Variants in TATDN3 observed in about 807,000 individuals in gnomAD.
TATDN3 encodes TatD DNase domain containing 3, also known as deoxyribonuclease TATDN3.
In TATDN3, 29 loss-of-function variants were observed where a neutral mutation model predicts 40.1. The ratio of observed to expected loss-of-function variants is 0.72; its 90% CI spans 0.54 to 0.99. The LOEUF is 0.99. Among genes scored for constraint, TATDN3 ranks in the 50% least tolerant of loss-of-function variants. The pLI is 0.00. For missense variants in TATDN3, 309 were observed against 321.9 expected (o/e 0.96, Z 0.31); for synonymous variants, 105 against 117.0 (o/e 0.90, Z 0.66).
At chr1:212,807,316 G>A (rs190388003) in intron 7 of TATDN3, among the ~76,000 whole-genome samples, 7 of 152,044 alleles carry the variant, frequency 4.6e-5, no homozygotes, top group Non-Finnish European at 8.8e-5. Flanking sequence ...GCAGTGGTGC[G>A]ATCACAGCTC....
chr1:212,813,675 C>T (rs1663026729), intron 9 of TATDN3, among the ~76,000 whole-genome samples: 1 of 150,832 alleles, frequency 6.6e-6, no homozygotes, highest in Admixed American at 6.6e-5. Context: ...CTCCATCAGG[C>T]ATGTGCTACC....
rs1366612217 is a variant in TATDN3, at chr1:212,812,294, A to G, written c.647A>G (p.Glu216Gly). Residue 216 changes from glutamate (E) to glycine (G), a missense_variant, in exon 9 of 10, where the codon GAA becomes GGA. By Grantham distance (98) the Glu-to-Gly change is moderately conservative. Transcript: ENST00000366974. ...KQLPLTSICL[E>G]TDSPALGPEK... ...TTGCCTTTAACTTCTATATGCTTAG[A>G]AACAGATTCACCTGCACTAGGACCA... The G allele has an allele frequency of 6.3e-7, 1 of 1,583,084 alleles. No homozygotes were observed. Among genetic ancestry groups the G allele is most frequent in the Admixed American group, 2.0e-5 (1 of 51,202 alleles).
chr1:212,799,380 A>G (rs1662027782), intron 4 of TATDN3, among the ~76,000 whole-genome samples: 1 of 152,160 alleles, frequency 6.6e-6, no homozygotes, highest in Admixed American at 6.5e-5. Context: ...AAAAGGGGAA[A>G]AAGTTAGAAG....
chr1:212,806,372 T>C (rs984339655), intron 7 of TATDN3, among the ~76,000 whole-genome samples: 121 of 147,454 alleles, frequency 8.2e-4, no homozygotes, highest in African/African-American at 2.8e-3. Context: ...CTCTCTCTTT[T>C]TTTTTTTTTT....
intron 9 of TATDN3, 35 bp downstream of exon 9, chr1:212,812,363 T>G (rs1440776479): frequency 9.0e-7 from 1 of 1,116,556 alleles, no homozygotes; most frequent in East Asian, 2.5e-5. Flanking sequence ...TTATTTAGAT[T>G]GTATCTTTCA....
rs777062648 is a variant in TATDN3 at position 212,796,586 on chromosome 1, G to C, written c.169G>C (p.Glu57Gln). Reference sequence around the variant, plus strand: ...ATTTGAAAAGATTATGCAACTTTCAGAAAGGTGCTACTTTTAATTAAGATT... The same window carrying C: ...ATTTGAAAAGATTATGCAACTTTCACAAAGGTGCTACTTTTAATTAAGATT... ...GEFEKIMQLSERYNGFVLPCL... is the reference protein window; with the variant it reads ...GEFEKIMQLSQRYNGFVLPCL... The change falls in exon 3 of 10, where the codon GAA (glutamate) becomes CAA (glutamine). Residue 57 changes from glutamate to glutamine, a missense_variant. Coordinates refer to ENST00000366974, the MANE Select transcript of TATDN3 (RefSeq NM_001042552.3). 12 of 1,573,752 alleles carry C rather than the reference G, an allele frequency of 7.6e-6. No individual in the cohort carries two copies. In the South Asian group the frequency reaches 1.2e-4, roughly 16 times the overall value.
intron 3 of TATDN3, chr1:212,796,910 A>G (rs1302080497): frequency 5.9e-6 from 3 of 510,400 alleles, no homozygotes; most frequent in African/African-American, 3.9e-5. Flanking sequence ...TAATTTTTAT[A>G]TTTTTTGTAG....
chr1:212,810,210 A>G (rs994609126), intron 8 of TATDN3, among the ~76,000 whole-genome samples: 1 of 151,906 alleles, frequency 6.6e-6, no homozygotes, highest in Admixed American at 6.6e-5. Flanking sequence ...CAAAACATAT[A>G]AAAATTAGCC....
At chr1:212,798,456 G>T (rs1003662695) in intron 4 of TATDN3, among the ~76,000 whole-genome samples, 1 of 150,514 alleles carries the variant, frequency 6.6e-6, no homozygotes, top group African/African-American at 2.4e-5. Flanking sequence ...TAACACTTTG[G>T]GAGGCCGAGA....
At chr1:212,809,684 C>CAA (rs753985101) in intron 8 of TATDN3, among the ~76,000 whole-genome samples, 1 of 82,332 alleles carries the variant, frequency 1.2e-5, no homozygotes, top group African/African-American at 4.5e-5. Context: ...GACTCCGTCT[C>CAA]AAAAAAAAAA....
At chr1:212,794,977 A>G (rs1661643036) in intron 1 of TATDN3, 118 bp from the exon 2 acceptor site, 2 of 778,178 alleles carry the variant, frequency 2.6e-6, no homozygotes, top group African/African-American at 3.5e-5. Context: ...GTTTTCCACC[A>G]CTCCATTAGT....
intron 9 of TATDN3, 125 bp downstream of exon 9, chr1:212,812,453 G>T (rs1009502204): frequency 3.5e-6 from 2 of 576,804 alleles, no homozygotes; most frequent in East Asian, 3.4e-5. Context: ...CAGATTGAGG[G>T]CTTATATTAA....
chr1:212,815,147 C>A lies in TATDN3; in HGVS notation c.816C>A (p.Leu272=). Residue 272 remains leucine (L), a synonymous_variant, in exon 10 of 10, where the codon CTC becomes CTA. Transcript: ENST00000366974. ...LKLFPKLRHL[L]QK The stretch of plus-strand genomic sequence containing the variant: ...TGTTTCCTAAGCTCCGACACTTGCT[C>A]CAGAAATAGCTTCAAAACCATCCAT... 6.2e-7 allele frequency: 1 copy of A among 1,610,346 alleles called. No individual in the cohort carries two copies. Among genetic ancestry groups the A allele is most frequent in the South Asian group, 1.1e-5 (1 of 90,210 alleles).
intron 4 of TATDN3, among the ~76,000 whole-genome samples, chr1:212,800,929 G>C (rs1483966434): frequency 6.6e-6 from 1 of 150,916 alleles, no homozygotes; most frequent in Non-Finnish European, 1.5e-5. Context: ...ATAGGGTGGG[G>C]TGCCATGGCT....
At chr1:212,799,539 CTT>C (rs1181062032) in intron 4 of TATDN3, among the ~76,000 whole-genome samples, 32 of 138,132 alleles carry the variant, frequency 2.3e-4, no homozygotes, top group Admixed American at 3.6e-4. Flanking sequence ...ATAGGTACTT[CTT>C]TTTTTTTTTT....
chr1:212,802,037 T>A (rs756253052), intron 4 of TATDN3, among the ~76,000 whole-genome samples: 5 of 152,206 alleles, frequency 3.3e-5, no homozygotes, highest in Non-Finnish European at 7.3e-5. Flanking sequence ...CTAAAAGGTA[T>A]CTAGAAGCAA....
In TATDN3 at chr1:212,791,998, G is replaced by A. The variant is rs1158889011; in HGVS notation, c.66+11G>A. 4 of 1,613,734 alleles carry A rather than the reference G, an allele frequency of 2.5e-6. No homozygotes were observed. In the Admixed American group the frequency reaches 6.7e-5, roughly 27 times the overall value. On this transcript the variant is annotated intron_variant, in intron 1 of 9. Transcript: ENST00000366974. ...CCGGACTTTGACCGCGTATGTGAGG[G>A]CGATACGGGACCAGAGGGAGCAGGG...
chr1:212,815,281 T>A lies in TATDN3; in HGVS notation c.*125T>A. On this transcript the variant is annotated 3_prime_UTR_variant, in exon 10 of 10. Transcript: ENST00000366974. The stretch of plus-strand genomic sequence containing the variant: ...ATAGGGTTATAGAAGATTGTAATTG[T>A]AGAGAAATATTTCTCTTAGAAATAA... 9.0e-7 allele frequency: 1 copy of A among 1,113,016 alleles called. No individual in the cohort carries two copies. The allele number at this position is 1,113,016 out of a possible 1,614,324, so 68.9% of individuals were successfully genotyped here.
At chr1:212,792,039 C>T in intron 1 of TATDN3, 52 bp downstream of exon 1, 1 of 1,574,420 alleles carries the variant, frequency 6.4e-7, no homozygotes, top group African/African-American at 1.4e-5. Context: ...CCCGTCCTTT[C>T]CCCTCGTGTT....
Sources: gnomAD v4.1 joint callset for allele counts (sites outside exome capture counted in the v4.1 genomes callset) on GRCh38, gnomAD v4.1.1 for gene constraint, MANE v1.5 for transcripts, NCBI Gene and HGNC (gene_info 2026-07-23, HGNC 2026-07-21) for gene names.